CNTNAP2: variants seen among roughly 807,000 people sequenced by gnomAD.
CNTNAP2 encodes contactin associated protein 2, also known as contactin-associated protein-like 2.
CNTNAP2 carries 98 observed loss-of-function variants against 155.2 expected under a neutral mutation model. The observed-to-expected ratio is 0.63, with a 90% CI of 0.54 to 0.75. The LOEUF (loss-of-function observed/expected upper bound fraction) is 0.75. CNTNAP2 is among the 30% of genes least tolerant of loss of function. CNTNAP2 has a pLI of 0.00. For synonymous variants in CNTNAP2, 651 were observed against 631.2 expected (o/e 1.03, Z -0.47); for missense variants, 1,727 against 1,688.1 (o/e 1.02, Z -0.40).
chr7:146,691,673 T>C (rs148434917), intron 1 of CNTNAP2, among the ~76,000 whole-genome samples: 81 of 152,206 alleles, frequency 5.3e-4, no homozygotes, highest in African/African-American at 1.8e-3. Context: ...TCTTTATGTG[T>C]TTCCAATGTT....
chr7:147,731,312 A>G (rs1442699803), intron 13 of CNTNAP2, among the ~76,000 whole-genome samples: 1 of 152,086 alleles, frequency 6.6e-6, no homozygotes, highest in Non-Finnish European at 1.5e-5. Flanking sequence ...AGACCTTGTT[A>G]GGTTACTTGA....
intron 2 of CNTNAP2, among the ~76,000 whole-genome samples, chr7:146,811,136 A>C (rs1803058692): frequency 6.6e-6 from 1 of 152,124 alleles, no homozygotes; most frequent in African/African-American, 2.4e-5. Flanking sequence ...TATGAACGTT[A>C]CTGGCCTTGA....
At chr7:147,290,712 G>T (rs1805286983) in intron 8 of CNTNAP2, among the ~76,000 whole-genome samples, 1 of 148,244 alleles carries the variant, frequency 6.7e-6, no homozygotes, top group Admixed American at 6.7e-5. Context: ...AAAAGGCACT[G>T]GATATACAGT....
chr7:146,483,282 A>AATAT (rs200796835), intron 1 of CNTNAP2, among the ~76,000 whole-genome samples: 835 of 39,564 alleles, frequency 0.021, 31 homozygotes, highest in Non-Finnish European at 0.03. Flanking sequence ...TCTAAAAAAA[A>AATAT]ATATATATAT....
At chr7:148,051,796 GAAAAGTGATACT>G (rs1292093788) in intron 15 of CNTNAP2, among the ~76,000 whole-genome samples, 2 of 152,210 alleles carry the variant, frequency 1.3e-5, no homozygotes, top group Non-Finnish European at 2.9e-5. Flanking sequence ...AGAATGCATA[GAAAAGTGATACT>G]AAAAGCAATT....
intron 1 of CNTNAP2, among the ~76,000 whole-genome samples, chr7:146,667,108 A>G (rs979581577): frequency 6.6e-6 from 1 of 152,076 alleles, no homozygotes; most frequent in African/African-American, 2.4e-5. Flanking sequence ...CAGAGATCTT[A>G]TAATTTCAGG....
At chr7:146,204,361 A>G (rs1448284971) in intron 1 of CNTNAP2, among the ~76,000 whole-genome samples, 1 of 152,184 alleles carries the variant, frequency 6.6e-6, no homozygotes, top group African/African-American at 2.4e-5. Flanking sequence ...ATCAGAGGAA[A>G]GAGTATAATG....
intron 9 of CNTNAP2, among the ~76,000 whole-genome samples, chr7:147,328,135 G>A (rs907663786): frequency 6.6e-6 from 1 of 152,060 alleles, no homozygotes; most frequent in South Asian, 2.1e-4. Flanking sequence ...AAGCAAGGTG[G>A]GCTACTTCAG....
intron 11 of CNTNAP2, among the ~76,000 whole-genome samples, chr7:147,541,196 T>A (rs1387817692): frequency 1.3e-5 from 2 of 152,164 alleles, no homozygotes; most frequent in African/African-American, 4.8e-5. Context: ...TTTGAGTGAG[T>A]AAGCCATATG....
At chr7:146,135,197 A>T (rs527988875) in intron 1 of CNTNAP2, among the ~76,000 whole-genome samples, 14 of 152,254 alleles carry the variant, frequency 9.2e-5, no homozygotes, top group South Asian at 2.1e-4. Flanking sequence ...TAAAATTAAG[A>T]AGCACACTTT....
intron 13 of CNTNAP2, among the ~76,000 whole-genome samples, chr7:147,692,683 TA>T (rs777797000): frequency 3.9e-5 from 6 of 152,142 alleles, no homozygotes; most frequent in South Asian, 2.1e-4. Flanking sequence ...GGACCATTTT[TA>T]ATTGAGTTGT....
At chr7:146,537,039 T>A (rs1221534587) in intron 1 of CNTNAP2, among the ~76,000 whole-genome samples, 1 of 152,050 alleles carries the variant, frequency 6.6e-6, no homozygotes, top group Non-Finnish European at 1.5e-5. Flanking sequence ...TTACCACAAG[T>A]CCCCTAATGT....
chr7:146,588,307 G>T (rs1160423294), intron 1 of CNTNAP2, among the ~76,000 whole-genome samples: 2 of 152,070 alleles, frequency 1.3e-5, no homozygotes, highest in Admixed American at 1.3e-4. Flanking sequence ...TAAGAGAGCA[G>T]CACTTCTTCT....
chr7:147,094,332 T>G (rs1800477370), intron 4 of CNTNAP2, among the ~76,000 whole-genome samples: 1 of 152,104 alleles, frequency 6.6e-6, no homozygotes, highest in Non-Finnish European at 1.5e-5. Flanking sequence ...CTTTTCTTCT[T>G]AAGTCCTCAC....
chr7:147,455,684 T>A (rs1339271716), intron 10 of CNTNAP2, among the ~76,000 whole-genome samples: 1 of 151,288 alleles, frequency 6.6e-6, no homozygotes, highest in Non-Finnish European at 1.5e-5. Flanking sequence ...TGGCAAAGAA[T>A]TTACCAAAAG....
intron 8 of CNTNAP2, among the ~76,000 whole-genome samples, chr7:147,159,216 T>A (rs1801981526): frequency 6.6e-6 from 1 of 152,124 alleles, no homozygotes; most frequent in South Asian, 2.1e-4. Context: ...GGAAGTCATG[T>A]GTATCTTTTA....
intron 12 of CNTNAP2, among the ~76,000 whole-genome samples, chr7:147,613,455 C>T (rs1801224507): frequency 6.6e-6 from 1 of 152,142 alleles, no homozygotes; most frequent in Non-Finnish European, 1.5e-5. Flanking sequence ...TTCTTTATGG[C>T]ATGTCGATGA....
chr7:147,750,911 G>A (rs941730881), intron 13 of CNTNAP2, among the ~76,000 whole-genome samples: 1 of 151,992 alleles, frequency 6.6e-6, no homozygotes, highest in African/African-American at 2.4e-5. Flanking sequence ...ATGGTGGTGG[G>A]CGCCTGAAGT....
chr7:147,311,049 T>A (rs1164972709), intron 9 of CNTNAP2, among the ~76,000 whole-genome samples: 2 of 152,132 alleles, frequency 1.3e-5, no homozygotes, highest in Non-Finnish European at 2.9e-5. Context: ...CGTGGTCAGG[T>A]ATCAAGGATG....
Sources: gnomAD v4.1 joint callset for allele counts (sites outside exome capture counted in the v4.1 genomes callset) on GRCh38, gnomAD v4.1.1 for gene constraint, MANE v1.5 for transcripts, NCBI Gene and HGNC (gene_info 2026-07-23, HGNC 2026-07-21) for gene names.